CDH4: variants seen among roughly 807,000 people sequenced by gnomAD.
The protein encoded by CDH4 is cadherin-4.
Under a neutral mutation model 86.0 loss-of-function variants are expected in CDH4, and 33 were observed. That is an observed-to-expected ratio of 0.38 (90% CI 0.29 to 0.51). CDH4 has a LOEUF of 0.51. Ranked by LOEUF, CDH4 falls within the 20% of genes least tolerant of loss-of-function variation. The probability of loss-of-function intolerance (pLI) is 0.86; values close to 1 mark genes in which losing one functional copy is unlikely to be tolerated. For synonymous variants in CDH4, 555 were observed against 549.4 expected, an observed-to-expected ratio of 1.01 and a Z score of -0.14; for missense variants, 1,114 against 1,307.4, an observed-to-expected ratio of 0.85 and a Z score of 2.28.
At chr20:61,588,745 C>T (rs2086496814) in intron 2 of CDH4, among the ~76,000 whole-genome samples, 1 of 152,222 alleles carries the variant, frequency 6.6e-6, no homozygotes, top group Non-Finnish European at 1.5e-5. Flanking sequence ...GGTTCTCAGC[C>T]ATTTGGCCTC....
At chr20:61,275,528 A>G (rs62199404) in intron 2 of CDH4, among the ~76,000 whole-genome samples, 73,425 of 94,850 alleles carry the variant, frequency 0.77, 27,601 homozygotes, top group Admixed American at 0.82. Flanking sequence ...AGTACCATGC[A>G]CAGTTTGGGG....
chr20:61,346,928 A>G (rs1208906352), intron 2 of CDH4, among the ~76,000 whole-genome samples: 1 of 151,920 alleles, frequency 6.6e-6, no homozygotes, highest in Non-Finnish European at 1.5e-5. Context: ...CCCATCCCAC[A>G]TTCCCAGGCA....
chr20:61,286,988 T>C (rs1002634891), intron 2 of CDH4, among the ~76,000 whole-genome samples: 1 of 152,230 alleles, frequency 6.6e-6, no homozygotes, highest in African/African-American at 2.4e-5. Flanking sequence ...GCATTTAATT[T>C]GTGGGACAGG....
intron 2 of CDH4, among the ~76,000 whole-genome samples, chr20:61,312,580 CT>C (rs540559051): frequency 1.8e-3 from 281 of 152,254 alleles, no homozygotes; most frequent in African/African-American, 6.4e-3. Context: ...GCACCCCCTT[CT>C]TTGCTGAGGC....
intron 2 of CDH4, among the ~76,000 whole-genome samples, chr20:61,546,294 G>A (rs1196636415): frequency 6.8e-6 from 1 of 146,102 alleles, no homozygotes; most frequent in African/African-American, 2.5e-5. Context: ...GCGCTCGAGT[G>A]TGCATGAGTA....
rs2084122903 is a variant in CDH4, at chr20:61,260,592, G to C, written c.169+5655G>C. Among the ~76,000 whole-genome samples the C allele has an allele frequency of 2.0e-5, 3 of 152,200 alleles. No individual in the cohort carries two copies. The South Asian group carries it at 6.2e-4, about 31-fold the overall frequency. On this transcript the variant is annotated intron_variant, in intron 2 of 15. Coordinates refer to ENST00000614565, the MANE Select transcript of CDH4 (RefSeq NM_001794.5). The stretch of plus-strand genomic sequence containing the variant: ...CAGACCCCACTGGTGGCTTGGGTGA[G>C]CTCAAAGCCCAGACTTTCTTGCTGT...
intron 2 of CDH4, among the ~76,000 whole-genome samples, chr20:61,263,900 G>A (rs111231096): frequency 1.7e-4 from 26 of 152,074 alleles, no homozygotes; most frequent in African/African-American, 5.3e-4. Context: ...TCTCTGTGCC[G>A]TCCTCCAGGG....
At chr20:61,531,617 T>A (rs908536138) in intron 2 of CDH4, among the ~76,000 whole-genome samples, 2 of 152,036 alleles carry the variant, frequency 1.3e-5, no homozygotes, top group Non-Finnish European at 2.9e-5. Context: ...TTAATTTAAA[T>A]AAATATTTTC....
In CDH4 at chr20:61,599,853, G is replaced by A. The variant is rs575447801; in HGVS notation, c.170-143710G>A. The A allele has an allele frequency of 4.1e-6, 4 of 985,432 alleles. No homozygotes were observed. The African/African-American group carries it at 7.0e-5, about 17-fold the overall frequency. The allele number at this position is 985,432 out of a possible 1,614,324, so 61.0% of individuals were successfully genotyped here. On this transcript the variant is annotated intron_variant, in intron 2 of 15. Coordinates refer to ENST00000614565, the MANE Select transcript of CDH4 (RefSeq NM_001794.5). ...TTGAAGCTGAAGCCCGCTTCCCTTCGCCGCACACAACACAGGAGCAATCTT... is the reference window on the plus strand; with the variant it reads ...TTGAAGCTGAAGCCCGCTTCCCTTCACCGCACACAACACAGGAGCAATCTT...
chr20:61,325,885 G>A lies in CDH4; in HGVS notation c.169+70948G>A, dbSNP rs890970983. Among the ~76,000 whole-genome samples the A allele has an allele frequency of 5.9e-5, 9 of 152,310 alleles. No homozygotes were observed. In the South Asian group the frequency reaches 1.9e-3, roughly 32 times the overall value. The stretch of plus-strand genomic sequence containing the variant: ...CTTCTTGCCACGGGTGCCGACGCAA[G>A]TGGGTTGCCTCTTTTCCCACCAGAG... On this transcript the variant is annotated intron_variant, in intron 2 of 15. Coordinates refer to ENST00000614565, the MANE Select transcript of CDH4 (RefSeq NM_001794.5).
chr20:61,724,925 A>G (rs1645581842), intron 2 of CDH4, among the ~76,000 whole-genome samples: 1 of 152,180 alleles, frequency 6.6e-6, no homozygotes, highest in Non-Finnish European at 1.5e-5. Context: ...AGCCTGGGCA[A>G]CATAGCATGG....
chr20:61,336,278 A>G (rs1184151540), intron 2 of CDH4, among the ~76,000 whole-genome samples: 2 of 152,186 alleles, frequency 1.3e-5, no homozygotes, highest in Admixed American at 1.3e-4. Context: ...GATATTTTGA[A>G]GGTTAAATGA....
intron 2 of CDH4, among the ~76,000 whole-genome samples, chr20:61,317,175 A>G (rs2427075): frequency 0.27 from 41,218 of 151,942 alleles, 6,415 homozygotes; most frequent in African/African-American, 0.44. Flanking sequence ...TGAGGAGATC[A>G]AGACCATCCT....
intron 2 of CDH4, among the ~76,000 whole-genome samples, chr20:61,736,372 G>A (rs2088262737): frequency 2.0e-5 from 3 of 152,132 alleles, no homozygotes. Flanking sequence ...TTCCCCAGAT[G>A]TCCACGGAAG....
At chr20:61,818,817 CA>C in intron 4 of CDH4, among the ~76,000 whole-genome samples, 1 of 152,038 alleles carries the variant, frequency 6.6e-6, no homozygotes, top group East Asian at 1.9e-4. Flanking sequence ...GCTTTCCAGG[CA>C]GCCCTCTGTT....
chr20:61,404,155 C>A (rs1057489383), intron 2 of CDH4, among the ~76,000 whole-genome samples: 2 of 151,968 alleles, frequency 1.3e-5, no homozygotes, highest in Non-Finnish European at 2.9e-5. Context: ...TACAGCCAGG[C>A]GGGTACAGGG....
At position 61,763,196 on chromosome 20, in the gene CDH4, C is replaced by T. The variant is rs555793602; in HGVS notation, c.397-9807C>T. Among the ~76,000 whole-genome samples, 7 of 152,312 alleles carry T rather than the reference C, an allele frequency of 4.6e-5. No homozygotes were observed. The East Asian group carries it at 9.7e-4, about 21-fold the overall frequency. Reference sequence around the variant, plus strand: ...GGATCTGGTGTCAGGGAATTTGAAGCAATTTCCATGTTTTTGCCATCTCTT... The same window carrying T: ...GGATCTGGTGTCAGGGAATTTGAAGTAATTTCCATGTTTTTGCCATCTCTT... On this transcript the variant is annotated intron_variant, in intron 3 of 15. Transcript: ENST00000614565.
chr20:61,840,065 C>T (rs1982089900), intron 4 of CDH4, among the ~76,000 whole-genome samples: 2 of 152,154 alleles, frequency 1.3e-5, no homozygotes, highest in South Asian at 4.1e-4. Context: ...AGGGGTCTCC[C>T]AGACCTTGCT....
At chr20:61,574,369 C>T (rs897412325) in intron 2 of CDH4, among the ~76,000 whole-genome samples, 1 of 152,198 alleles carries the variant, frequency 6.6e-6, no homozygotes, top group African/African-American at 2.4e-5. Flanking sequence ...ATGAAGTGGA[C>T]GTAGGCATCT....
Sources: gnomAD v4.1 joint callset for allele counts (sites outside exome capture counted in the v4.1 genomes callset) on GRCh38, gnomAD v4.1.1 for gene constraint, MANE v1.5 for transcripts, NCBI Gene and HGNC (gene_info 2026-07-23, HGNC 2026-07-21) for gene names.